EPHA4: variants seen among roughly 807,000 people sequenced by gnomAD.
EPHA4 encodes the protein EPH receptor A4.
A neutral mutation model predicts 108.3 loss-of-function variants in EPHA4; 19 were observed. The observed-to-expected ratio is 0.18, with a 90% confidence interval of 0.12 to 0.26. EPHA4 has a LOEUF of 0.26. Ranked by LOEUF, EPHA4 falls within the 10% of genes least tolerant of loss-of-function variation. The pLI is 1.00. For missense variants in EPHA4, 917 were observed against 1,254.0 expected (o/e 0.73, Z 4.06); for synonymous variants, 449 against 455.5 (o/e 0.99, Z 0.18).
intron 3 of EPHA4, among the ~76,000 whole-genome samples, chr2:221,504,207 C>G (rs1000017932): frequency 2.6e-5 from 4 of 152,174 alleles, no homozygotes; most frequent in Non-Finnish European, 4.4e-5. Flanking sequence ...AATGAACCAT[C>G]TGAATGGGTG....
At chr2:221,566,800 AGGG>A (rs1414326303) in intron 2 of EPHA4, among the ~76,000 whole-genome samples, 3 of 144,350 alleles carry the variant, frequency 2.1e-5, no homozygotes, top group East Asian at 2.0e-4. Context: ...GAAGAAGAAG[AGGG>A]AGAAGAAGAA....
intron 4 of EPHA4, among the ~76,000 whole-genome samples, chr2:221,482,980 G>A (rs1350716040): frequency 6.6e-6 from 1 of 152,186 alleles, no homozygotes; most frequent in Non-Finnish European, 1.5e-5. Context: ...CTTTCCCTAT[G>A]AAGTGGCAGA....
intron 13 of EPHA4, among the ~76,000 whole-genome samples, chr2:221,435,292 A>G (rs1353164972): frequency 6.6e-6 from 1 of 152,166 alleles, no homozygotes; most frequent in Non-Finnish European, 1.5e-5. Context: ...GGTTTTATCT[A>G]TGTAAATGTA....
chr2:221,452,228 A>G (rs147477568), intron 8 of EPHA4, among the ~76,000 whole-genome samples: 7 of 152,398 alleles, frequency 4.6e-5, no homozygotes, highest in African/African-American at 1.4e-4. Context: ...CCATTCCAGC[A>G]TAAACATTTA....
intron 3 of EPHA4, among the ~76,000 whole-genome samples, chr2:221,510,019 T>C (rs561392059): frequency 2.8e-4 from 43 of 152,202 alleles, no homozygotes; most frequent in Non-Finnish European, 5.4e-4. Context: ...TAAAAGACAG[T>C]GTGTTCTGTG....
intron 2 of EPHA4, among the ~76,000 whole-genome samples, chr2:221,564,691 T>C (rs1009478661): frequency 8.6e-5 from 13 of 152,016 alleles, no homozygotes; most frequent in African/African-American, 2.2e-4. Context: ...CAACCTCAAA[T>C]TCACCTATTA....
At chr2:221,544,185 G>A (rs984921153) in intron 3 of EPHA4, among the ~76,000 whole-genome samples, 1 of 152,054 alleles carries the variant, frequency 6.6e-6, no homozygotes, top group South Asian at 2.1e-4. Flanking sequence ...ATTCGAAGGG[G>A]GCATAAATAT....
intron 3 of EPHA4, among the ~76,000 whole-genome samples, chr2:221,529,384 C>G (rs1693435545): frequency 6.6e-6 from 1 of 152,154 alleles, no homozygotes; most frequent in Non-Finnish European, 1.5e-5. Flanking sequence ...CCTCTCTCCA[C>G]CAGGAATTGT....
intron 14 of EPHA4, among the ~76,000 whole-genome samples, 196 bp downstream of exon 14, chr2:221,433,946 T>C (rs569670702): frequency 1.6e-4 from 25 of 152,346 alleles, no homozygotes; most frequent in African/African-American, 5.8e-4. Flanking sequence ...TACTGTACCA[T>C]GTAGGCCATT....
At chr2:221,465,089 T>A (rs1056200253) in intron 5 of EPHA4, among the ~76,000 whole-genome samples, 1 of 151,528 alleles carries the variant, frequency 6.6e-6, no homozygotes, top group African/African-American at 2.4e-5. Flanking sequence ...CAGACCAGAG[T>A]CTATTTTAAA....
chr2:221,477,037 C>T (rs1028941829), intron 5 of EPHA4, among the ~76,000 whole-genome samples: 6 of 139,590 alleles, frequency 4.3e-5, no homozygotes, highest in Non-Finnish European at 9.4e-5. Flanking sequence ...AGGTGTAATG[C>T]CACTTTATTT....
intron 8 of EPHA4, among the ~76,000 whole-genome samples, chr2:221,449,732 C>CTATG (rs1372937186): frequency 2.0e-5 from 3 of 152,204 alleles, no homozygotes; most frequent in African/African-American, 7.2e-5. Flanking sequence ...GGCAGGGGCC[C>CTATG]AGCATAAACC....
Position 221,545,467 on chromosome 2 carries a change from T to TC in EPHA4, c.823+18263_823+18264insG, listed in dbSNP as rs1440429863. On this transcript the variant is annotated intron_variant, in intron 3 of 17. Transcript: ENST00000281821. ...CTGGGCGACAGAGCAAGACTCCATC[T>TC]TAAAAAAAACAAAAAACAAAACAAA... is the stretch of plus-strand genomic sequence containing the variant. 6.6e-5 allele frequency among the ~76,000 whole-genome samples: 10 copies of TC among 151,826 alleles called. No individual in the cohort carries two copies. The South Asian group carries it at 1.3e-3, about 19-fold the overall frequency.
At chr2:221,565,334 T>TA (rs757892325) in intron 2 of EPHA4, among the ~76,000 whole-genome samples, 2 of 152,190 alleles carry the variant, frequency 1.3e-5, no homozygotes, top group Non-Finnish European at 2.9e-5. Context: ...TTATAGCTTT[T>TA]AAAAATAATC....
chr2:221,525,173 CA>C (rs1332668053), intron 3 of EPHA4, among the ~76,000 whole-genome samples: 2 of 152,148 alleles, frequency 1.3e-5, no homozygotes, highest in Admixed American at 6.5e-5. Context: ...TCAGTGTTCA[CA>C]ATGGCCTCAG....
chr2:221,449,242 C>A (rs1690695253), intron 8 of EPHA4, among the ~76,000 whole-genome samples: 1 of 152,144 alleles, frequency 6.6e-6, no homozygotes, highest in African/African-American at 2.4e-5. Context: ...CCTGATGGCC[C>A]TTTTGCCTTG....
rs755954200 is a variant in EPHA4, at chr2:221,443,586, G to A, written c.1795C>T (p.Pro599Ser). Residue 599 changes from proline to serine, a missense_variant, in exon 10 of 18, where the codon CCC becomes TCC. This residue lies in a region of EPHA4 where 758 missense variants were observed against 1,076.7 expected (regional missense o/e 0.70). Coordinates refer to ENST00000281821, the MANE Select transcript of EPHA4 (RefSeq NM_004438.5). ...LNQGVRTYVD[P>S]FTYEDPNQAV... Reference sequence around the variant, plus strand: ...TGGTTGGGATCTTCGTACGTAAAGGGGTCCACATATGTTCTTACACCTGAG... The same window carrying A: ...TGGTTGGGATCTTCGTACGTAAAGGAGTCCACATATGTTCTTACACCTGAG... 6.2e-7 allele frequency: 1 copy of A among 1,613,618 alleles called. No individual in the cohort carries two copies. Among genetic ancestry groups the A allele is most frequent in the South Asian group, 1.1e-5 (1 of 91,028 alleles).
At chr2:221,445,316 G>A (rs1690558061) in intron 9 of EPHA4, among the ~76,000 whole-genome samples, 1 of 152,058 alleles carries the variant, frequency 6.6e-6, no homozygotes, top group South Asian at 2.1e-4. Context: ...CTGGCTGGGT[G>A]CGGTGGCTCA....
intron 5 of EPHA4, among the ~76,000 whole-genome samples, chr2:221,481,712 G>A (rs546041762): frequency 4.6e-5 from 7 of 152,154 alleles, no homozygotes; most frequent in South Asian, 2.1e-4. Context: ...AGTAAACTTC[G>A]TTAACTATAG....
Sources: allele counts gnomAD v4.1 joint callset (sites outside exome capture counted in the v4.1 genomes callset), GRCh38; gene constraint gnomAD v4.1.1; regional missense constraint gnomAD v4.1.1; transcripts MANE v1.5; gene names NCBI Gene and HGNC (gene_info 2026-07-23, HGNC 2026-07-21).